The following CFH variants were observed in gnomAD, a reference collection of about 807,000 sequenced individuals.
CFH encodes the protein complement factor H, also known as H factor 1 (complement).
Under a neutral mutation model 147.3 loss-of-function variants are expected in CFH, and 53 were observed. The ratio of observed to expected loss-of-function variants is 0.36; its 90% CI spans 0.29 to 0.45. The LOEUF (loss-of-function observed/expected upper bound fraction) is 0.45, where lower values mean the gene tolerates loss of function less well. Ranked by LOEUF, CFH falls within the 20% of genes least tolerant of loss-of-function variation. The pLI is 1.00. For missense variants in CFH, 1,380 were observed against 1,498.0 expected, an observed-to-expected ratio of 0.92 and a Z score of 1.30; for synonymous variants, 536 against 489.4, an observed-to-expected ratio of 1.10 and a Z score of -1.26.
intron 11 of CFH, among the ~76,000 whole-genome samples, chr1:196,716,957 C>T (rs888383011): frequency 5.3e-5 from 8 of 151,774 alleles, no homozygotes; most frequent in African/African-American, 9.7e-5. Context: ...TAAATGATGA[C>T]GCTAAATTGG....
At position 196,728,400 on chromosome 1, in the gene CFH, A is replaced by G; in HGVS notation, c.2291A>G (p.His764Arg). ...TCAAATTTAATTATACTTGAGGAAC[A>G]TTTAAAAAACAAGAAGGAATTCGAT... ...KSSNLIILEE[H>R]LKNKKEFDHN... is the part of the protein sequence containing the mutation. Residue 764 changes from histidine (H) to arginine (R), a missense_variant, in exon 15 of 22, where the codon CAT becomes CGT. Physicochemically the swap from His to Arg is conservative, Grantham distance 29. Coordinates refer to ENST00000367429, the MANE Select transcript of CFH (RefSeq NM_000186.4). 1.2e-6 allele frequency: 2 copies of G among 1,601,174 alleles called. No individual in the cohort carries two copies. The highest frequency in any genetic ancestry group is 1.7e-6 in the Non-Finnish European group (2 of 1,170,506).
intron 17 of CFH, among the ~76,000 whole-genome samples, chr1:196,739,857 T>C (rs1165446415): frequency 2.6e-5 from 4 of 152,198 alleles, no homozygotes; most frequent in Non-Finnish European, 5.9e-5. Flanking sequence ...CATGCTGCTA[T>C]AAAGAACTAC....
chr1:196,706,835 G>A (rs1275932364), intron 9 of CFH, among the ~76,000 whole-genome samples: 2 of 152,158 alleles, frequency 1.3e-5, no homozygotes, highest in Admixed American at 1.3e-4. Flanking sequence ...AAGAGGTGCA[G>A]GGCTATTAGA....
intron 15 of CFH, among the ~76,000 whole-genome samples, chr1:196,733,816 C>G (rs1669337065): frequency 6.6e-6 from 1 of 151,998 alleles, no homozygotes; most frequent in African/African-American, 2.4e-5. Context: ...AGAGAAGTGC[C>G]TGATGCAAGT....
intron 11 of CFH, among the ~76,000 whole-genome samples, chr1:196,721,138 T>G (rs574044822): frequency 1.3e-5 from 2 of 149,502 alleles, no homozygotes; most frequent in Non-Finnish European, 3.0e-5. Context: ...TGTCCACTTT[T>G]TCATGGGATT....
chr1:196,698,298 A>T (rs529899), intron 9 of CFH, among the ~76,000 whole-genome samples: 105,011 of 151,906 alleles, frequency 0.69, 37,021 homozygotes, highest in East Asian at 0.95. Flanking sequence ...GCTGGTTTTT[A>T]GAAAAGATTA....
At position 196,652,074 on chromosome 1, in the gene CFH, T is replaced by C. The variant is rs780407417; in HGVS notation, c.-44T>C. 1.5e-6 allele frequency: 2 copies of C among 1,360,478 alleles called. No homozygotes were observed. The highest frequency in any genetic ancestry group is 1.7e-5 in the Admixed American group (1 of 59,624). 84.3% of individuals were successfully genotyped at this position (1,360,478 alleles called of 1,614,324 possible). On this transcript the variant is annotated 5_prime_UTR_variant, in exon 1 of 22. Transcript: ENST00000367429. ...CTTGGAAGAGGAGAACTGGACGTTG[T>C]GAACAGAGTTAGCTGGTAAATGTCC... is the stretch of plus-strand genomic sequence containing the variant.
In CFH at chr1:196,726,908, A is replaced by C; in HGVS notation, c.2204A>C (p.His735Pro). The change falls in exon 14 of 22, where the codon CAT (histidine) becomes CCT (proline). Residue 735 changes from histidine (H) to proline (P), a missense_variant. By Grantham distance (77) the His-to-Pro change is moderately conservative. Transcript: ENST00000367429. ...MIGHRSITCIHGVWTQLPQCV... is the reference protein window; with the variant it reads ...MIGHRSITCIPGVWTQLPQCV... The stretch of plus-strand genomic sequence containing the variant: ...GGACACAGATCAATTACGTGTATTC[A>C]TGGAGTATGGACCCAACTTCCCCAG... 1 of 1,613,736 alleles carries C rather than the reference A, an allele frequency of 6.2e-7. No homozygotes were observed. The highest frequency in any genetic ancestry group is 8.5e-7 in the Non-Finnish European group (1 of 1,179,724).
Position 196,747,368 on chromosome 1 carries a change from C to T in CFH, c.*55C>T, listed in dbSNP as rs459598. 12 of 1,607,604 alleles carry T rather than the reference C, an allele frequency of 7.5e-6. No homozygotes were observed. The highest frequency in any genetic ancestry group is 1.1e-5 in the South Asian group (1 of 90,698). ...AGAACTTTAGTATTAAATCAGTTCT[C>T]AATTTCATTTTTTATGTATTGTTTT... On this transcript the variant is annotated 3_prime_UTR_variant, in exon 22 of 22. Transcript: ENST00000367429.
chr1:196,711,086 T>G (rs766433086), intron 9 of CFH, among the ~76,000 whole-genome samples: 16 of 152,128 alleles, frequency 1.1e-4, no homozygotes, highest in South Asian at 2.1e-4. Flanking sequence ...TTTTTCTGAT[T>G]TAGTCTGTCT....
At chr1:196,684,875 C>T (rs1399179212) in intron 6 of CFH, among the ~76,000 whole-genome samples, 189 bp from the exon 7 acceptor site, 1 of 151,852 alleles carries the variant, frequency 6.6e-6, no homozygotes, top group African/African-American at 2.4e-5. Flanking sequence ...ACAAATATGT[C>T]AGATGAGAAT....
At position 196,725,235 on chromosome 1, in the gene CFH, T is replaced by C. The variant is rs1229237355; in HGVS notation, c.1811T>C (p.Val604Ala). 1 of 1,613,980 alleles carries C rather than the reference T, an allele frequency of 6.2e-7. No individual in the cohort carries two copies. Among genetic ancestry groups the C allele is most frequent in the South Asian group, 1.1e-5 (1 of 91,076 alleles). Residue 604 changes from valine (V) to alanine (A), a missense_variant, in exon 12 of 22, where the codon GTT becomes GCT. Physicochemically the swap from Val to Ala is moderately conservative, Grantham distance 64 (BLOSUM62 0). This residue lies in a region of CFH where 830 missense variants were observed against 821.4 expected (regional missense o/e 1.01). Transcript: ENST00000367429. ...KFSCKPGFTIVGPNSVQCYHF... is the reference protein window; with the variant it reads ...KFSCKPGFTIAGPNSVQCYHF... ...TCCTGCAAACCAGGATTTACAATAG[T>C]TGGACCTAATTCCGTTCAGTGCTAC...
intron 9 of CFH, among the ~76,000 whole-genome samples, chr1:196,703,417 T>C (rs1227927179): frequency 6.6e-6 from 1 of 152,146 alleles, no homozygotes; most frequent in Non-Finnish European, 1.5e-5. Context: ...TTGAGAGAGA[T>C]ACTAAAGAAA....
intron 9 of CFH, among the ~76,000 whole-genome samples, chr1:196,696,856 C>A (rs1217515903): frequency 5.3e-5 from 8 of 152,120 alleles, no homozygotes; most frequent in African/African-American, 1.9e-4. Context: ...TGCTACATAT[C>A]CACAACCATC....
chr1:196,717,893 G>A (rs1668910127), intron 11 of CFH, among the ~76,000 whole-genome samples: 1 of 152,102 alleles, frequency 6.6e-6, no homozygotes, highest in South Asian at 2.1e-4. Context: ...CTTTGTGACA[G>A]GAGATGGGAA....
At chr1:196,700,028 T>C (rs1573041121) in intron 9 of CFH, among the ~76,000 whole-genome samples, 1 of 152,160 alleles carries the variant, frequency 6.6e-6, no homozygotes, top group African/African-American at 2.4e-5. Context: ...TTTGAGTTTC[T>C]CCTTTAGGTT....
chr1:196,714,959 A>G (rs1406806155), intron 10 of CFH, among the ~76,000 whole-genome samples: 1 of 151,590 alleles, frequency 6.6e-6, no homozygotes, highest in African/African-American at 2.4e-5. Context: ...CCTCTCAGTA[A>G]TATATTTGAA....
intron 1 of CFH, among the ~76,000 whole-genome samples, chr1:196,672,423 CCTATT>C (rs1347809688): frequency 6.6e-6 from 1 of 152,158 alleles, no homozygotes; most frequent in Non-Finnish European, 1.5e-5. Context: ...TCTTTTCCAT[CCTATT>C]CTATCTTATT....
rs1466170814 is a variant in CFH, at chr1:196,697,270, A to G, written c.1336+7031A>G. On this transcript the variant is annotated intron_variant, in intron 9 of 21. Coordinates refer to ENST00000367429, the MANE Select transcript of CFH (RefSeq NM_000186.4). ...CAATCTACTCATCTGACAAAGGGCT[A>G]ATATCCAGAATCTACAATGAACTCA... Among the ~76,000 whole-genome samples, 32 of 152,188 alleles carry G rather than the reference A, an allele frequency of 2.1e-4. 1 individual carries two copies. The highest frequency in any genetic ancestry group is 5.9e-5 in the Non-Finnish European group (4 of 68,022).
Sources: allele counts gnomAD v4.1 joint callset (sites outside exome capture counted in the v4.1 genomes callset), GRCh38; gene constraint gnomAD v4.1.1; regional missense constraint gnomAD v4.1.1; transcripts MANE v1.5; gene names NCBI Gene and HGNC (gene_info 2026-07-23, HGNC 2026-07-21).